The following ACTN4 variants were observed in gnomAD, a reference collection of about 807,000 sequenced individuals.
The protein encoded by ACTN4 is actinin alpha 4.
Under a neutral mutation model 114.2 loss-of-function variants are expected in ACTN4, and 18 were observed. That is an observed-to-expected ratio of 0.16 (90% confidence interval 0.11 to 0.23). ACTN4 has a LOEUF of 0.23. ACTN4 is among the 10% of genes least tolerant of loss of function. ACTN4 has a pLI of 1.00. For missense variants in ACTN4, 722 were observed against 1,262.9 expected, an observed-to-expected ratio of 0.57 and a Z score of 6.49; for synonymous variants, 515 against 506.3, an observed-to-expected ratio of 1.02 and a Z score of -0.23.
chr19:38,730,869 C>T lies in ACTN4; in HGVS notation c.*1437C>T, dbSNP rs1245137335. The T allele has an allele frequency of 1.3e-6, 2 of 1,551,538 alleles. No individual in the cohort carries two copies. The highest frequency in any genetic ancestry group is 2.4e-5 in the East Asian group (1 of 41,066). ...CGGAGATCCTAGGAGAAGGTGGCCACCTCCATCCACTAAGGAAGAGAAGGA... is the reference window on the plus strand; with the variant it reads ...CGGAGATCCTAGGAGAAGGTGGCCATCTCCATCCACTAAGGAAGAGAAGGA... On this transcript the variant is annotated 3_prime_UTR_variant, in exon 21 of 21. Transcript: ENST00000252699.
At chr19:38,647,961 G>T in intron 1 of ACTN4, 54 bp downstream of exon 1, 1 of 1,408,250 alleles carries the variant, frequency 7.1e-7, no homozygotes, top group African/African-American at 1.5e-5. Flanking sequence ...GGGGGCCCGG[G>T]GAGGGGTGGG....
intron 1 of ACTN4, among the ~76,000 whole-genome samples, chr19:38,673,604 TATTC>T (rs1220789246): frequency 1.0e-5 from 1 of 97,448 alleles, no homozygotes; most frequent in Non-Finnish European, 2.0e-5. Context: ...TATTCATATA[TATTC>T]ATTTATATTT....
At position 38,717,284 on chromosome 19, in the gene ACTN4, G is replaced by A. The variant is rs147553733; in HGVS notation, c.1111G>A (p.Ala371Thr). The change falls in exon 10 of 21, where the codon GCC becomes ACC. Residue 371 changes from alanine (A) to threonine (T), a missense_variant. This residue lies in a region of ACTN4 where 523 missense variants were observed against 875.9 expected (regional missense o/e 0.60). Coordinates refer to ENST00000252699, the MANE Select transcript of ACTN4 (RefSeq NM_004924.6). The surrounding 1 kb of genome is among the most constrained non-coding windows in gnomAD (Gnocchi z 4.0). ...CAAGCTGCGCCTCAGCAACCGGCCC[G>A]CCTTCATGCCCTCCGAGGGCAAGAT... is the stretch of plus-strand genomic sequence containing the variant. The part of the protein sequence containing the change: ...QTKLRLSNRP[A>T]FMPSEGKMVS... The A allele has an allele frequency of 1.1e-5, 17 of 1,613,840 alleles. No individual in the cohort carries two copies. The highest frequency in any genetic ancestry group is 6.7e-5 in the East Asian group (3 of 44,842).
intron 1 of ACTN4, among the ~76,000 whole-genome samples, chr19:38,662,246 G>A (rs1976909925): frequency 6.6e-6 from 1 of 152,186 alleles, no homozygotes; most frequent in Non-Finnish European, 1.5e-5. Flanking sequence ...CTCAAGGAGG[G>A]AGGAACAGCA....
rs1381336484 is a variant in ACTN4, at chr19:38,730,765, G to A, written c.*1333G>A. The stretch of plus-strand genomic sequence containing the variant: ...GCCCCAGACAGGTGGATGCCAGAGA[G>A]AGTGGCACCCATGCCAGGCAAGGCC... On this transcript the variant is annotated 3_prime_UTR_variant, in exon 21 of 21. Transcript: ENST00000252699. 10 of 1,479,784 alleles carry A rather than the reference G, an allele frequency of 6.8e-6. No individual in the cohort carries two copies. Among genetic ancestry groups the A allele is most frequent in the Admixed American group, 2.0e-5 (1 of 50,890 alleles). The allele number at this position is 1,479,784 out of a possible 1,614,324, so 91.7% of individuals were successfully genotyped here. A position where few individuals can be genotyped will look rare whatever the true frequency, so the allele number is the denominator to read the frequency against.
intron 1 of ACTN4, among the ~76,000 whole-genome samples, chr19:38,652,558 C>T (rs549430879): frequency 3.9e-5 from 6 of 152,156 alleles, no homozygotes; most frequent in African/African-American, 7.2e-5. Context: ...TCCCTGGTTC[C>T]GGCTTCTAAG....
At chr19:38,702,616 T>C (rs1968318610) in intron 3 of ACTN4, among the ~76,000 whole-genome samples, 1 of 152,136 alleles carries the variant, frequency 6.6e-6, no homozygotes, top group African/African-American at 2.4e-5. Flanking sequence ...CAGAATAGAT[T>C]TCCTGAGGCT....
rs1054757373 is a variant in ACTN4 at position 38,727,849 on chromosome 19, G to A, written c.2338-97G>A. On this transcript the variant is annotated intron_variant, in intron 18 of 20. Coordinates refer to ENST00000252699, the MANE Select transcript of ACTN4 (RefSeq NM_004924.6). This position sits in a 1 kb window ranked among gnomAD's most constrained non-coding sequence, Gnocchi z 5.4. Reference sequence around the variant, plus strand: ...CTAACTCTGTGTTTCCCTCCCCTACGTGTCCCTTCCCCCTGCCCTCTGCAT... The same window carrying A: ...CTAACTCTGTGTTTCCCTCCCCTACATGTCCCTTCCCCCTGCCCTCTGCAT... The A allele has an allele frequency of 3.3e-5, 38 of 1,143,306 alleles. No homozygotes were observed. The Middle Eastern group carries it at 5.8e-4, about 18-fold the overall frequency. 70.8% of individuals were successfully genotyped at this position (1,143,306 alleles called of 1,614,324 possible). A position where few individuals can be genotyped will look rare whatever the true frequency, so the allele number is the denominator to read the frequency against.
At chr19:38,682,823 T>TCTCC (rs1459294778) in intron 1 of ACTN4, among the ~76,000 whole-genome samples, 7 of 152,184 alleles carry the variant, frequency 4.6e-5, no homozygotes, top group Non-Finnish European at 1.0e-4. Flanking sequence ...CTGGGAATGA[T>TCTCC]CTCCCCCTGG....
Position 38,704,920 on chromosome 19 carries a change from T to G in ACTN4, c.398-14T>G. On this transcript the variant is annotated splice_polypyrimidine_tract_variant and intron_variant, in intron 3 of 20. Transcript: ENST00000252699. ...TAACGACCTTCTGCCCTCTGCCCCCTTCCCTGTGTGCAGAGATTGTGGACG... is the reference window on the plus strand; with the variant it reads ...TAACGACCTTCTGCCCTCTGCCCCCGTCCCTGTGTGCAGAGATTGTGGACG... The G allele has an allele frequency of 6.2e-7, 1 of 1,612,134 alleles. No homozygotes were observed. The highest frequency in any genetic ancestry group is 8.5e-7 in the Non-Finnish European group (1 of 1,178,128).
intron 9 of ACTN4, among the ~76,000 whole-genome samples, chr19:38,716,457 A>G (rs374414440): frequency 6.6e-6 from 1 of 152,218 alleles, no homozygotes. Context: ...GCAGTGGGGC[A>G]TGTGACAGCA....
At chr19:38,660,010 C>T (rs904624687) in intron 1 of ACTN4, among the ~76,000 whole-genome samples, 11 of 150,600 alleles carry the variant, frequency 7.3e-5, no homozygotes. Context: ...GCCTCTGTCT[C>T]CCAGATTCAA....
At chr19:38,663,338 G>A (rs1035624223) in intron 1 of ACTN4, among the ~76,000 whole-genome samples, 1 of 152,246 alleles carries the variant, frequency 6.6e-6, no homozygotes, top group Non-Finnish European at 1.5e-5. Context: ...CCTCTTCAGA[G>A]CAGAGCTCTG....
chr19:38,665,354 G>A (rs1966924297), intron 1 of ACTN4, among the ~76,000 whole-genome samples: 1 of 152,196 alleles, frequency 6.6e-6, no homozygotes, highest in South Asian at 2.1e-4. Flanking sequence ...CCTATCCTCA[G>A]TTTGAGGATT....
intron 9 of ACTN4, 35 bp downstream of exon 9, chr19:38,714,596 CATT>C (rs1568734181): frequency 1.9e-6 from 3 of 1,599,432 alleles, no homozygotes; most frequent in Non-Finnish European, 2.6e-6. Context: ...AGGGCCACCT[CATT>C]ATCCTCAGCC....
intron 1 of ACTN4, among the ~76,000 whole-genome samples, chr19:38,695,188 A>G (rs1398809870): frequency 6.6e-6 from 1 of 152,144 alleles, no homozygotes; most frequent in Non-Finnish European, 1.5e-5. Context: ...CCAGAATGTA[A>G]ATGATAACTG....
Position 38,647,706 on chromosome 19 carries a change from C to T in ACTN4, c.-40C>T. On this transcript the variant is annotated 5_prime_UTR_variant, in exon 1 of 21. Transcript: ENST00000252699. ...TCGGGCAGAGGGGCGGGAGCTGAGG[C>T]GGGAGCGGACAGGCTGGTGGGCGAG... 1 of 1,520,062 alleles carries T rather than the reference C, an allele frequency of 6.6e-7. No individual in the cohort carries two copies. 94.2% of individuals were successfully genotyped at this position (1,520,062 alleles called of 1,614,324 possible). A position where few individuals can be genotyped will look rare whatever the true frequency, so the allele number is the denominator to read the frequency against.
At chr19:38,715,354 G>A (rs1473817414) in intron 9 of ACTN4, among the ~76,000 whole-genome samples, 3 of 152,084 alleles carry the variant, frequency 2.0e-5, no homozygotes, top group South Asian at 4.1e-4. Context: ...AAAATTAGCC[G>A]GGTGTTGTGG....
At chr19:38,649,391 G>A (rs1976491535) in intron 1 of ACTN4, among the ~76,000 whole-genome samples, 1 of 151,912 alleles carries the variant, frequency 6.6e-6, no homozygotes, top group Non-Finnish European at 1.5e-5. Flanking sequence ...CAGAAGTTTT[G>A]TGCGTGAAAT....
Sources: gnomAD v4.1 joint callset for allele counts (sites outside exome capture counted in the v4.1 genomes callset) on GRCh38, gnomAD v4.1.1 for gene constraint, gnomAD v4.1.1 regional missense constraint, Gnocchi (gnomAD v3.1) non-coding constraint, MANE v1.5 for transcripts, NCBI Gene and HGNC (gene_info 2026-07-23, HGNC 2026-07-21) for gene names.